SDK1: variants seen among roughly 807,000 people sequenced by gnomAD.
The protein encoded by SDK1 is protein sidekick-1.
In SDK1, 157 loss-of-function variants were observed where a neutral mutation model predicts 245.5. The observed-to-expected ratio is 0.64, with a 90% confidence interval of 0.56 to 0.73. The LOEUF is 0.73. SDK1 is among the 30% of genes least tolerant of loss of function. SDK1 has a pLI of 0.00. For synonymous variants in SDK1, 1,647 were observed against 1,278.5 expected, an observed-to-expected ratio of 1.29 and a Z score of -6.15; for missense variants, 3,583 against 3,002.3, an observed-to-expected ratio of 1.19 and a Z score of -4.52.
In SDK1 at chr7:4,176,456, A is replaced by G. The variant is rs376341431; in HGVS notation, c.4996+622A>G. 1.4e-4 allele frequency among the ~76,000 whole-genome samples: 22 copies of G among 152,314 alleles called. No individual in the cohort carries two copies. The East Asian group carries it at 4.1e-3, about 28-fold the overall frequency. On this transcript the variant is annotated intron_variant, in intron 34 of 44. Transcript: ENST00000404826. The stretch of plus-strand genomic sequence containing the variant: ...GATGCTAGGGCTATAGGCGTGAGCC[A>G]CTGCACCCAGCCTTTCTTTTTTTAT...
At chr7:3,499,025 TA>T in intron 1 of SDK1, among the ~76,000 whole-genome samples, 1 of 152,346 alleles carries the variant, frequency 6.6e-6, no homozygotes, top group South Asian at 2.1e-4. Context: ...AATTTTGTTT[TA>T]TACTTTGTGT....
At chr7:4,060,695 T>C (rs938816488) in intron 19 of SDK1, among the ~76,000 whole-genome samples, 1 of 152,128 alleles carries the variant, frequency 6.6e-6, no homozygotes, top group African/African-American at 2.4e-5. Context: ...CTTTTGGTGT[T>C]TTAGACATGA....
At chr7:3,647,845 G>A (rs141746477) in intron 4 of SDK1, among the ~76,000 whole-genome samples, 24 of 152,232 alleles carry the variant, frequency 1.6e-4, no homozygotes, top group Non-Finnish European at 2.1e-4. Flanking sequence ...AAGAAAAGTC[G>A]TGTAATGTCC....
chr7:3,343,378 T>G (rs1413499425), intron 1 of SDK1, among the ~76,000 whole-genome samples: 1 of 152,154 alleles, frequency 6.6e-6, no homozygotes, highest in Non-Finnish European at 1.5e-5. Flanking sequence ...AATCTCCACA[T>G]CGAGTGATAA....
At chr7:3,698,617 G>A (rs73302250) in intron 4 of SDK1, among the ~76,000 whole-genome samples, 7,441 of 152,186 alleles carry the variant, frequency 0.049, 395 homozygotes, top group African/African-American at 0.13. Flanking sequence ...CTTAGACAGC[G>A]GACGTCTATT....
At chr7:3,780,270 C>T (rs544307637) in intron 4 of SDK1, among the ~76,000 whole-genome samples, 1 of 152,172 alleles carries the variant, frequency 6.6e-6, no homozygotes, top group African/African-American at 2.4e-5. Flanking sequence ...GAAAGAGAAC[C>T]AGAGGCAGTC....
At chr7:3,490,969 A>G (rs749332072) in intron 1 of SDK1, among the ~76,000 whole-genome samples, 28 of 152,324 alleles carry the variant, frequency 1.8e-4, no homozygotes, top group Non-Finnish European at 2.8e-4. Context: ...CCCAATTGCA[A>G]TGGTGATACA....
chr7:3,346,680 GGTGTGT>G (rs1198115329), intron 1 of SDK1, among the ~76,000 whole-genome samples: 1 of 127,620 alleles, frequency 7.8e-6, no homozygotes, highest in Admixed American at 7.7e-5. Context: ...TTTTTTTTTT[GGTGTGT>G]GTGTGTATGT....
chr7:3,687,048 A>G (rs1784303979), intron 4 of SDK1, among the ~76,000 whole-genome samples: 1 of 114,752 alleles, frequency 8.7e-6, no homozygotes, highest in African/African-American at 5.2e-5. Flanking sequence ...GGGTTGGGAT[A>G]GCATCAAAAC....
chr7:4,235,212 TGGAGTGCAGTGGC>T, intron 41 of SDK1, among the ~76,000 whole-genome samples: 1 of 150,670 alleles, frequency 6.6e-6, no homozygotes, highest in Non-Finnish European at 1.5e-5. Flanking sequence ...TTGCCCAGGC[TGGAGTGCAGTGGC>T]GTGATCTTAG....
chr7:4,136,427 T>G (rs965321865), intron 28 of SDK1, among the ~76,000 whole-genome samples: 1 of 152,166 alleles, frequency 6.6e-6, no homozygotes, highest in Non-Finnish European at 1.5e-5. Flanking sequence ...GCCTTCTGAG[T>G]ACATAAACAC....
chr7:3,636,722 G>A lies in SDK1; in HGVS notation c.459-2282G>A, dbSNP rs183996578. On this transcript the variant is annotated intron_variant, in intron 2 of 44. Transcript: ENST00000404826. ...GTTCTTGGGAAATATACTCAGAAGT[G>A]GGATTTGGGGGTCATGTGGTCATTG... Among the ~76,000 whole-genome samples, 14 of 152,292 alleles carry A rather than the reference G, an allele frequency of 9.2e-5. No individual in the cohort carries two copies. In the East Asian group the frequency reaches 1.5e-3, roughly 17 times the overall value.
chr7:3,434,270 G>T (rs1256141990), intron 1 of SDK1, among the ~76,000 whole-genome samples: 1 of 152,206 alleles, frequency 6.6e-6, no homozygotes, highest in Non-Finnish European at 1.5e-5. Flanking sequence ...TTCTAATGCA[G>T]ATGAATATGT....
chr7:4,233,064 A>G (rs954148692), intron 40 of SDK1, 191 bp from the exon 41 acceptor site: 2 of 566,976 alleles, frequency 3.5e-6, no homozygotes, highest in Admixed American at 3.0e-5. Context: ...TCATCACACC[A>G]TTCATCTCCA....
intron 14 of SDK1, among the ~76,000 whole-genome samples, chr7:4,005,447 T>C (rs1583803113): frequency 6.7e-6 from 1 of 149,836 alleles, no homozygotes; most frequent in South Asian, 2.1e-4. Flanking sequence ...TTAATACTTC[T>C]TGGGTATTGC....
intron 27 of SDK1, among the ~76,000 whole-genome samples, chr7:4,131,233 T>A (rs867032543): frequency 6.6e-6 from 1 of 152,220 alleles, no homozygotes; most frequent in South Asian, 2.1e-4. Context: ...CAGGCGCTGG[T>A]GAGTCCTGGA....
intron 13 of SDK1, among the ~76,000 whole-genome samples, chr7:3,979,552 G>A (rs1301834633): frequency 2.0e-5 from 3 of 152,076 alleles, no homozygotes; most frequent in Non-Finnish European, 4.4e-5. Context: ...GAAATGAGAC[G>A]GTGTCTTTTG....
chr7:4,004,987 C>A (rs1287656843), intron 14 of SDK1, among the ~76,000 whole-genome samples: 2 of 151,178 alleles, frequency 1.3e-5, no homozygotes, highest in African/African-American at 4.9e-5. Context: ...TAGAAGGCCC[C>A]AAGTCCTAGA....
Position 3,765,416 on chromosome 7 carries a change from G to T in SDK1, c.714-56034G>T, listed in dbSNP as rs566317573. Among the ~76,000 whole-genome samples the T allele has an allele frequency of 3.9e-5, 6 of 152,290 alleles. No homozygotes were observed. In the East Asian group the frequency reaches 7.7e-4, roughly 20 times the overall value. ...TATTCTCCATCTAAGAATCTCACAT[G>T]CAAGGAAACAGAGTTTGTTCTTTTA... On this transcript the variant is annotated intron_variant, in intron 4 of 44. Transcript: ENST00000404826.
Sources: allele counts gnomAD v4.1 joint callset (sites outside exome capture counted in the v4.1 genomes callset), GRCh38; gene constraint gnomAD v4.1.1; transcripts MANE v1.5; gene names NCBI Gene and HGNC (gene_info 2026-07-23, HGNC 2026-07-21).